The following RASSF3 variants were observed in gnomAD, a reference collection of about 807,000 sequenced individuals.
RASSF3 encodes the protein Ras association domain family member 3.
A neutral mutation model predicts 19.9 loss-of-function variants in RASSF3; 19 were observed. The ratio of observed to expected loss-of-function variants is 0.96; its 90% CI spans 0.67 to 1.40. RASSF3 has a LOEUF of 1.40. Among genes scored for constraint, RASSF3 ranks in the 40% most tolerant of loss-of-function variants. The pLI, the probability that RASSF3 is intolerant of heterozygous loss-of-function variation, is 0.00. For missense variants in RASSF3, 306 were observed against 289.8 expected, an observed-to-expected ratio of 1.06 and a Z score of -0.41; for synonymous variants, 110 against 104.2, an observed-to-expected ratio of 1.06 and a Z score of -0.34.
At chr12:64,563,219 G>T (rs7312835) in intron 2 of RASSF3, among the ~76,000 whole-genome samples, 87,988 of 151,024 alleles carry the variant, frequency 0.58, 28,008 homozygotes, top group Non-Finnish European at 0.72. Flanking sequence ...CAGGCTGGAG[G>T]ACAATTGCGT....
At chr12:64,665,206 T>C (rs1376532827) in intron 1 of RASSF3, among the ~76,000 whole-genome samples, 2 of 152,156 alleles carry the variant, frequency 1.3e-5, no homozygotes, top group Non-Finnish European at 2.9e-5. Context: ...TTGTTTAAAA[T>C]GTGGGCAGAT....
At chr12:64,542,764 G>C (rs556793117), downstream of RASSF3, among the ~76,000 whole-genome samples, 130 of 152,314 alleles carry the variant, frequency 8.5e-4, no homozygotes, top group African/African-American at 3.0e-3. Context: ...GTGGTGAGAG[G>C]TGACAGCATG....
chr12:64,563,273 T>G (rs1049041410), intron 2 of RASSF3, among the ~76,000 whole-genome samples: 1 of 152,022 alleles, frequency 6.6e-6, no homozygotes, highest in Non-Finnish European at 1.5e-5. Context: ...TTCAAGCGAT[T>G]ATCCTGCCTC....
intron 1 of RASSF3, among the ~76,000 whole-genome samples, chr12:64,637,441 T>C (rs1871361886): frequency 6.6e-6 from 1 of 150,936 alleles, no homozygotes; most frequent in Non-Finnish European, 1.5e-5. Flanking sequence ...TTTTTTTTTT[T>C]GAGACAGATT....
chr12:64,576,120 G>T (rs566135712), intron 2 of RASSF3, among the ~76,000 whole-genome samples: 1 of 151,718 alleles, frequency 6.6e-6, no homozygotes, highest in South Asian at 2.1e-4. Flanking sequence ...AAGCAATCTT[G>T]GAGAAGACAA....
At chr12:64,683,199 T>C (rs1411227673) in intron 1 of RASSF3, among the ~76,000 whole-genome samples, 5 of 152,232 alleles carry the variant, frequency 3.3e-5, no homozygotes, top group Admixed American at 6.5e-5. Context: ...AGGCTTTCAT[T>C]TGCTTCCACA....
chr12:64,555,018 C>T lies in RASSF3; in HGVS notation c.294+13313C>T, dbSNP rs764043040. On this transcript the variant is annotated intron_variant, in intron 2 of 5. Coordinates refer to the RASSF3 transcript ENST00000637125. ...CAGCACTTTGGGAGGCCAAGGTGGG[C>T]GGATCACCTGAGGTCAGGAGTCCAA... Among the ~76,000 whole-genome samples, 7 of 151,796 alleles carry T rather than the reference C, an allele frequency of 4.6e-5. No homozygotes were observed. The East Asian group carries it at 9.7e-4, about 21-fold the overall frequency.
intron 2 of RASSF3, among the ~76,000 whole-genome samples, chr12:64,565,306 G>A (rs571094665): frequency 2.0e-5 from 3 of 152,136 alleles, no homozygotes; most frequent in Admixed American, 1.3e-4. Context: ...GCCAGGCGTG[G>A]TGGCTCATGC....
intron 1 of RASSF3, among the ~76,000 whole-genome samples, chr12:64,666,767 CTCTGT>C (rs1166598919): frequency 6.6e-6 from 1 of 152,222 alleles, no homozygotes; most frequent in Non-Finnish European, 1.5e-5. Flanking sequence ...AGAACCTGTG[CTCTGT>C]TCACTGTTGT....
At chr12:64,614,040 G>A (rs544724055) in intron 1 of RASSF3, among the ~76,000 whole-genome samples, 2 of 152,034 alleles carry the variant, frequency 1.3e-5, no homozygotes, top group Non-Finnish European at 1.5e-5. Context: ...GCAGGGTCTC[G>A]ATCAGTACCT....
chr12:64,635,224 G>T (rs921049234), intron 1 of RASSF3, among the ~76,000 whole-genome samples: 2 of 152,044 alleles, frequency 1.3e-5, no homozygotes, highest in African/African-American at 2.4e-5. Flanking sequence ...AAAATGCTGG[G>T]ATTACAGGCA....
At chr12:64,602,949 A>G (rs1870120503) in intron 2 of RASSF3, among the ~76,000 whole-genome samples, 1 of 151,968 alleles carries the variant, frequency 6.6e-6, no homozygotes, top group African/African-American at 2.4e-5. Flanking sequence ...AAATACAAAA[A>G]TTAGCTGGGC....
downstream of RASSF3, among the ~76,000 whole-genome samples, chr12:64,545,881 GA>G (rs1471148586): frequency 6.6e-6 from 1 of 151,738 alleles, no homozygotes; most frequent in African/African-American, 2.4e-5. Flanking sequence ...CTGCCTCGAA[GA>G]AAAAAGAGAG....
chr12:64,650,048 G>A (rs965636641), intron 1 of RASSF3, among the ~76,000 whole-genome samples: 2 of 152,104 alleles, frequency 1.3e-5, no homozygotes, highest in East Asian at 1.9e-4. Context: ...CCAAATTTAC[G>A]CACCAGCATT....
intron 1 of RASSF3, among the ~76,000 whole-genome samples, chr12:64,659,399 T>C (rs1301645915): frequency 6.6e-6 from 1 of 152,164 alleles, no homozygotes; most frequent in Non-Finnish European, 1.5e-5. Flanking sequence ...CCGACAAACA[T>C]GGAAGAACAG....
intron 1 of RASSF3, among the ~76,000 whole-genome samples, chr12:64,616,207 C>G (rs1318291569): frequency 2.0e-5 from 3 of 152,108 alleles, no homozygotes; most frequent in Non-Finnish European, 4.4e-5. Flanking sequence ...CCTATAAAGC[C>G]TCATATTTGA....
At position 64,696,098 on chromosome 12, in the gene RASSF3, C is replaced by CCTCCCTCCCTCCCTCCCTCCCTCACTCA. The variant is rs1868354989; in HGVS notation, c.*1209_*1210insACTCACTCCCTCCCTCCCTCCCTCCCTC. ...ACCTTGTTCTTTTCCTCCCTCCCTC[C>CCTCCCTCCCTCCCTCCCTCCCTCACTCA]CTCCCTCCCTCCCTCCCTCCCTCCT... On this transcript the variant is annotated 3_prime_UTR_variant, in exon 5 of 5. Coordinates refer to ENST00000542104, the MANE Select transcript of RASSF3 (RefSeq NM_178169.4). 8.5e-6 allele frequency: 1 copy of CCTCCCTCCCTCCCTCCCTCCCTCACTCA among 117,984 alleles called. No homozygotes were observed. Among genetic ancestry groups the CCTCCCTCCCTCCCTCCCTCCCTCACTCA allele is most frequent in the Non-Finnish European group, 1.8e-5 (1 of 56,160 alleles). The allele number at this position is 117,984 out of a possible 1,614,324, so 7.3% of individuals were successfully genotyped here.
chr12:64,579,251 G>A (rs961933999), intron 2 of RASSF3, among the ~76,000 whole-genome samples: 5 of 151,604 alleles, frequency 3.3e-5, no homozygotes, highest in East Asian at 1.9e-4. Context: ...GAATTGTCAA[G>A]TAATCAAGGC....
At chr12:64,586,506 A>AAAAAAAAAAAAAAAAAC (rs1869805194) in intron 2 of RASSF3, among the ~76,000 whole-genome samples, 1 of 151,120 alleles carries the variant, frequency 6.6e-6, no homozygotes, top group African/African-American at 2.4e-5. Context: ...AAAAAAAAAA[A>AAAAAAAAAAAAAAAAAC]AAAAAAAAAG....
Sources: gnomAD v4.1 joint callset for allele counts (sites outside exome capture counted in the v4.1 genomes callset) on GRCh38, gnomAD v4.1.1 for gene constraint, MANE v1.5 for transcripts, NCBI Gene and HGNC (gene_info 2026-07-23, HGNC 2026-07-21) for gene names.